Variants in GAK observed in about 807,000 individuals in gnomAD.
GAK encodes the protein cyclin-G-associated kinase.
GAK carries 79 observed loss-of-function variants against 143.9 expected under a neutral mutation model. The observed-to-expected ratio is 0.55, with a 90% CI of 0.46 to 0.66. The LOEUF (loss-of-function observed/expected upper bound fraction) is 0.66, where lower values mean the gene tolerates loss of function less well. Ranked by LOEUF, GAK falls within the 30% of genes least tolerant of loss-of-function variation. The pLI is 0.00. For missense variants in GAK, 1,693 were observed against 1,779.7 expected (o/e 0.95, Z 0.88); for synonymous variants, 881 against 765.5 (o/e 1.15, Z -2.49).
rs891675867 is a variant in GAK at position 867,378 on chromosome 4, G to C, written c.2450C>G (p.Ser817Cys). 1.3e-6 allele frequency: 2 copies of C among 1,578,818 alleles called. No individual in the cohort carries two copies. Among genetic ancestry groups the C allele is most frequent in the Non-Finnish European group, 1.7e-6 (2 of 1,159,100 alleles). ...CTCGTCTCTGTCCTCCATCAGGGCAGACTCGCTCTCCTTGGAAGAGGCATT... is the reference window on the plus strand; with the variant it reads ...CTCGTCTCTGTCCTCCATCAGGGCACACTCGCTCTCCTTGGAAGAGGCATT... ...AENASSKESE[S>C]ALMEDRDESE... is the part of the protein sequence containing the mutation. Residue 817 changes from serine (S) to cysteine (C), a missense_variant, in exon 21 of 28, where the codon TCT (serine) becomes TGT (cysteine). This residue lies in a region of GAK where 822 missense variants were observed against 788.7 expected (regional missense o/e 1.04). Transcript: ENST00000314167.
At chr4:901,933 C>T (rs1719943174) in intron 5 of GAK, among the ~76,000 whole-genome samples, 1 of 152,222 alleles carries the variant, frequency 6.6e-6, no homozygotes, top group African/African-American at 2.4e-5. Flanking sequence ...ATAATGGTGT[C>T]AAAACCACAT....
Position 919,135 on chromosome 4 carries a change from C to G in GAK, c.146-5467G>C, listed in dbSNP as rs558255034. ...CATGACCTTAGCAGGACAGAAGGCT[C>G]CAAAGGCCTCAGCGCCGCATGACCT... On this transcript the variant is annotated intron_variant, in intron 1 of 27. Transcript: ENST00000314167. Among the ~76,000 whole-genome samples the G allele has an allele frequency of 5.3e-5, 8 of 151,052 alleles. No individual in the cohort carries two copies. In the East Asian group the frequency reaches 1.4e-3, roughly 26 times the overall value.
intron 5 of GAK, among the ~76,000 whole-genome samples, chr4:902,628 C>T (rs1024796662): frequency 7.9e-4 from 97 of 123,140 alleles, no homozygotes; most frequent in African/African-American, 3.6e-3. Context: ...CAAAAAACCT[C>T]TTCAGCAAAA....
intron 23 of GAK, among the ~76,000 whole-genome samples, chr4:862,514 C>T (rs766795794): frequency 2.0e-5 from 3 of 152,016 alleles, no homozygotes; most frequent in South Asian, 2.1e-4. Flanking sequence ...AAAAATTAGC[C>T]GGGCGTGGTG....
Position 894,151 on chromosome 4 carries a change from A to G in GAK, c.742-142T>C, listed in dbSNP as rs1414086685. 1.8e-5 allele frequency: 16 copies of G among 868,082 alleles called. No homozygotes were observed. In the African/African-American group the frequency reaches 2.1e-4, roughly 11 times the overall value. 53.8% of individuals were successfully genotyped at this position (868,082 alleles called of 1,614,324 possible). ...GAGCCGTGGGGAGCGCAGGGGTGAC[A>G]CTGGGGACTGCAGGGAACACAGGGG... On this transcript the variant is annotated intron_variant, in intron 7 of 27. Coordinates refer to ENST00000314167, the MANE Select transcript of GAK (RefSeq NM_005255.4).
In GAK at chr4:849,498, C is replaced by T. The variant is rs1210435230; in HGVS notation, c.*175G>A. ...AGAAAAAGGAAACAACAATCAGAGG[C>T]TTTGGAATGCTTTCTCTTCATGTGC... On this transcript the variant is annotated 3_prime_UTR_variant, in exon 28 of 28. Transcript: ENST00000314167. 7 of 591,886 alleles carry T rather than the reference C, an allele frequency of 1.2e-5. No homozygotes were observed. Among genetic ancestry groups the T allele is most frequent in the Non-Finnish European group, 2.2e-5 (7 of 325,170 alleles). 36.7% of individuals were successfully genotyped at this position (591,886 alleles called of 1,614,324 possible). A position where few individuals can be genotyped will look rare whatever the true frequency, so the allele number is the denominator to read the frequency against.
In GAK at chr4:882,048, A is replaced by G. The variant is rs1342303147; in HGVS notation, c.1528-8T>C. On this transcript the variant is annotated splice_polypyrimidine_tract_variant and splice_region_variant and intron_variant, in intron 14 of 27. Transcript: ENST00000314167. ...AGACGCGGCTCTCCCGTCCTAGGAC[A>G]GACAGACACGTCTCGCGTGCGCCTC... 7 of 1,597,676 alleles carry G rather than the reference A, an allele frequency of 4.4e-6. No individual in the cohort carries two copies. In the East Asian group the frequency reaches 1.6e-4, roughly 36 times the overall value.
chr4:914,807 TAC>T (rs1722809311), intron 1 of GAK, among the ~76,000 whole-genome samples: 1 of 31,192 alleles, frequency 3.2e-5, no homozygotes, highest in African/African-American at 1.4e-4. Flanking sequence ...CACGGCCCCA[TAC>T]ACACACAGCC....
chr4:886,439 T>C (rs1027080758), intron 11 of GAK: 3 of 151,632 alleles, frequency 2.0e-5, no homozygotes, highest in African/African-American at 7.3e-5. Flanking sequence ...TGGCCTGGAG[T>C]CCCCCAGGGA....
At chr4:889,231 A>T (rs1366874324) in intron 10 of GAK, among the ~76,000 whole-genome samples, 8 of 152,190 alleles carry the variant, frequency 5.3e-5, no homozygotes, top group African/African-American at 1.9e-4. Flanking sequence ...CAGCCTTTCC[A>T]GAGACCCAGG....
intron 23 of GAK, among the ~76,000 whole-genome samples, chr4:862,503 A>C (rs959848117): frequency 6.6e-6 from 1 of 152,146 alleles, no homozygotes; most frequent in Non-Finnish European, 1.5e-5. Context: ...TAGGGGTTTC[A>C]AAAAATTAGC....
intron 1 of GAK, among the ~76,000 whole-genome samples, chr4:925,285 G>A (rs1724533499): frequency 6.6e-6 from 1 of 152,018 alleles, no homozygotes; most frequent in South Asian, 2.1e-4. Flanking sequence ...CAGCCTGCAG[G>A]CCCCATGAGC....
chr4:904,761 A>C lies in GAK; in HGVS notation c.401T>G (p.Leu134Trp). The C allele has an allele frequency of 6.2e-7, 1 of 1,614,116 alleles. No individual in the cohort carries two copies. Among genetic ancestry groups the C allele is most frequent in the South Asian group, 1.1e-5 (1 of 91,074 alleles). Residue 134 changes from leucine (L) to tryptophan (W), a missense_variant, in exon 5 of 28, where the codon TTG becomes TGG. By Grantham distance (61) the Leu-to-Trp change is moderately conservative (BLOSUM62 -2). Coordinates refer to ENST00000314167, the MANE Select transcript of GAK (RefSeq NM_005255.4). Reference protein sequence around the residue: ...ELCKGQLVEFLKKMESRGPLS... With the variant: ...ELCKGQLVEFWKKMESRGPLS... ...GGGGCCTCGAGATTCCATTTTCTTC[A>C]AAAATTCCACCAGCTGCCCTAAAAG...
chr4:849,842 C>CG (rs750496071), intron 27 of GAK, 50 bp downstream of exon 27: 53 of 1,205,136 alleles, frequency 4.4e-5, no homozygotes, highest in Non-Finnish European at 2.4e-5. Context: ...GGACCCCCCC[C>CG]CCGCCCCGCC....
In GAK at chr4:867,146, T is replaced by C. The variant is rs1434154135; in HGVS notation, c.2682A>G (p.Pro894=). The change falls in exon 21 of 28, where the codon CCA becomes CCG. Residue 894 remains proline, a synonymous_variant. Transcript: ENST00000314167. ...LGLHSEVGAG[P]AVPPQACKAP... ...CCTTGCAGGCCTGCGGGGGTACAGCTGGCCCTGCGCCCACCTCGGAGTGCA... is the reference window on the plus strand; with the variant it reads ...CCTTGCAGGCCTGCGGGGGTACAGCCGGCCCTGCGCCCACCTCGGAGTGCA... 6.3e-7 allele frequency: 1 copy of C among 1,593,676 alleles called. No individual in the cohort carries two copies. The highest frequency in any genetic ancestry group is 8.6e-7 in the Non-Finnish European group (1 of 1,167,034).
chr4:875,320 C>T (rs1010806735), intron 18 of GAK, among the ~76,000 whole-genome samples: 2 of 152,190 alleles, frequency 1.3e-5, no homozygotes, highest in Non-Finnish European at 2.9e-5. Context: ...AAAAGAAAAG[C>T]GTAAGACACA....
At position 849,573 on chromosome 4, in the gene GAK, C is replaced by A; in HGVS notation, c.*100G>T. 1 of 898,032 alleles carries A rather than the reference C, an allele frequency of 1.1e-6. No individual in the cohort carries two copies. The highest frequency in any genetic ancestry group is 1.8e-6 in the Non-Finnish European group (1 of 560,456). 55.6% of individuals were successfully genotyped at this position (898,032 alleles called of 1,614,324 possible). On this transcript the variant is annotated 3_prime_UTR_variant, in exon 28 of 28. Coordinates refer to ENST00000314167, the MANE Select transcript of GAK (RefSeq NM_005255.4). ...CCGGGGCTCGGAGCCCCACCCTGGC[C>A]ACACCTGCTGTCGCCCACGGGGTCC...
At chr4:862,657 CAA>C (rs34817637) in intron 23 of GAK, among the ~76,000 whole-genome samples, 42 of 123,538 alleles carry the variant, frequency 3.4e-4, no homozygotes, top group African/African-American at 6.4e-4. Flanking sequence ...GACTCTGTCT[CAA>C]AAAAAAAAAA....
chr4:854,811 C>T (rs974776761), intron 24 of GAK, among the ~76,000 whole-genome samples: 6 of 152,110 alleles, frequency 3.9e-5, no homozygotes, highest in East Asian at 3.9e-4. Flanking sequence ...TTTGGGAGGC[C>T]GAGGCGGGCG....
Sources: gnomAD v4.1 joint callset for allele counts (sites outside exome capture counted in the v4.1 genomes callset) on GRCh38, gnomAD v4.1.1 for gene constraint, gnomAD v4.1.1 regional missense constraint, MANE v1.5 for transcripts, NCBI Gene and HGNC (gene_info 2026-07-23, HGNC 2026-07-21) for gene names.